Variants in KCND3 observed in about 807,000 individuals in gnomAD.
The protein encoded by KCND3 is A-type voltage-gated potassium channel KCND3.
KCND3 carries 9 observed loss-of-function variants against 51.1 expected under a neutral mutation model. The ratio of observed to expected loss-of-function variants is 0.18; its 90% CI spans 0.11 to 0.31. The LOEUF (loss-of-function observed/expected upper bound fraction) is 0.31, where lower values mean the gene tolerates loss of function less well. Among genes scored for constraint, KCND3 ranks in the 10% least tolerant of loss-of-function variants. The probability of loss-of-function intolerance (pLI) is 1.00; values close to 1 mark genes in which losing one functional copy is unlikely to be tolerated. For missense variants in KCND3, 526 were observed against 903.8 expected (o/e 0.58, Z 5.36); for synonymous variants, 349 against 368.0 (o/e 0.95, Z 0.59).
intron 2 of KCND3, among the ~76,000 whole-genome samples, chr1:111,962,721 G>C (rs1302185061): frequency 6.6e-6 from 1 of 152,224 alleles, no homozygotes; most frequent in Non-Finnish European, 1.5e-5. Context: ...GAGGCTGGTT[G>C]TGAAAATGGC....
At chr1:111,902,908 C>G (rs774411342) in intron 2 of KCND3, among the ~76,000 whole-genome samples, 2 of 152,158 alleles carry the variant, frequency 1.3e-5, no homozygotes, top group Non-Finnish European at 2.9e-5. Flanking sequence ...GAGTGCTTTG[C>G]TCATAGTAGG....
intron 2 of KCND3, among the ~76,000 whole-genome samples, chr1:111,895,256 A>G (rs1246824482): frequency 1.3e-5 from 2 of 151,468 alleles, no homozygotes; most frequent in African/African-American, 4.9e-5. Context: ...CAGCTGTGGG[A>G]CCAGGCTGTA....
At chr1:111,896,329 C>T (rs1670113006) in intron 2 of KCND3, among the ~76,000 whole-genome samples, 1 of 152,216 alleles carries the variant, frequency 6.6e-6, no homozygotes, top group Non-Finnish European at 1.5e-5. Context: ...CCTGGCTCTT[C>T]ACCCAGAAGA....
At chr1:111,891,642 G>T (rs1320687571) in intron 2 of KCND3, among the ~76,000 whole-genome samples, 1 of 152,130 alleles carries the variant, frequency 6.6e-6, no homozygotes, top group Non-Finnish European at 1.5e-5. Context: ...CCATCACATG[G>T]GTTACCAGCA....
intron 2 of KCND3, among the ~76,000 whole-genome samples, chr1:111,958,146 C>T (rs559708337): frequency 6.6e-6 from 1 of 152,306 alleles, no homozygotes; most frequent in Admixed American, 6.5e-5. Context: ...AACCACCTGG[C>T]ATACATACAC....
At position 111,775,635 on chromosome 1, in the gene KCND3, C is replaced by T. The variant is rs547505892; in HGVS notation, c.*442G>A. 4.6e-6 allele frequency: 1 copy of T among 218,176 alleles called. No homozygotes were observed. Among genetic ancestry groups the T allele is most frequent in the African/African-American group, 2.2e-5 (1 of 44,476 alleles). 13.5% of individuals were successfully genotyped at this position (218,176 alleles called of 1,614,324 possible). On this transcript the variant is annotated 3_prime_UTR_variant, in exon 8 of 8. Transcript: ENST00000302127. ...TCCATTAAGAGCCTTGAAAAAGGTG[C>T]TTAAATACACAGTGTTATATTTTCT...
chr1:111,810,837 G>A (rs542294200), intron 2 of KCND3, among the ~76,000 whole-genome samples: 21 of 152,318 alleles, frequency 1.4e-4, no homozygotes, highest in African/African-American at 4.6e-4. Context: ...ATGTGGGTGT[G>A]TGCAAAGAGC....
chr1:111,891,761 T>C (rs1353212130), intron 2 of KCND3, among the ~76,000 whole-genome samples: 1 of 152,224 alleles, frequency 6.6e-6, no homozygotes, highest in African/African-American at 2.4e-5. Flanking sequence ...TCTCAATAAA[T>C]ATTTGCTGAG....
intron 2 of KCND3, among the ~76,000 whole-genome samples, chr1:111,822,766 G>A (rs949233602): frequency 2.0e-5 from 3 of 152,194 alleles, no homozygotes; most frequent in African/African-American, 7.2e-5. Flanking sequence ...CATATGGTAA[G>A]CTTATGTTTA....
intron 2 of KCND3, among the ~76,000 whole-genome samples, chr1:111,830,270 C>G (rs1013467031): frequency 3.3e-5 from 5 of 152,232 alleles, no homozygotes; most frequent in African/African-American, 1.2e-4. Context: ...TCTTCTGTGG[C>G]TCCTCATAGC....
intron 2 of KCND3, among the ~76,000 whole-genome samples, chr1:111,968,603 C>T (rs1335660589): frequency 6.6e-6 from 1 of 152,202 alleles, no homozygotes; most frequent in Non-Finnish European, 1.5e-5. Flanking sequence ...GAGGATCTTC[C>T]TCCCCTACCC....
rs1664005937 is a variant in KCND3 at position 111,773,707 on chromosome 1, C to T, written c.*2370G>A. 5 of 152,094 alleles carry T rather than the reference C, an allele frequency of 3.3e-5. No homozygotes were observed. The highest frequency in any genetic ancestry group is 3.3e-4 in the Admixed American group (5 of 15,264). 9.4% of individuals were successfully genotyped at this position (152,094 alleles called of 1,614,324 possible). A position where few individuals can be genotyped will look rare whatever the true frequency, so the allele number is the denominator to read the frequency against. ...AAGTGCTGGGATTACAGATGTGAGC[C>T]ACCGCGCCCAGCCCTATTTACCTCT... On this transcript the variant is annotated 3_prime_UTR_variant, in exon 8 of 8. Coordinates refer to ENST00000302127, the MANE Select transcript of KCND3 (RefSeq NM_001378969.1).
At chr1:111,810,344 C>T (rs1158117467) in intron 2 of KCND3, among the ~76,000 whole-genome samples, 2 of 152,126 alleles carry the variant, frequency 1.3e-5, no homozygotes, top group Non-Finnish European at 2.9e-5. Context: ...ATGCTGGGAC[C>T]GAATACCTTG....
At chr1:111,895,190 GA>G (rs1312180093) in intron 2 of KCND3, among the ~76,000 whole-genome samples, 2 of 150,164 alleles carry the variant, frequency 1.3e-5, no homozygotes, top group African/African-American at 4.9e-5. Flanking sequence ...CAAGAGCAAG[GA>G]GGGGGAGGAG....
rs1352466398 is a variant in KCND3, at chr1:111,772,279, C to G, written c.*3798G>C. 1 of 152,024 alleles carries G rather than the reference C, an allele frequency of 6.6e-6. No individual in the cohort carries two copies. The highest frequency in any genetic ancestry group is 2.4e-5 in the African/African-American group (1 of 41,394). The allele number at this position is 152,024 out of a possible 1,614,324, so 9.4% of individuals were successfully genotyped here. A position where few individuals can be genotyped will look rare whatever the true frequency, so the allele number is the denominator to read the frequency against. Reference sequence around the variant, plus strand: ...TTCATTGAGAAGAGAAAATATTTGACTAAAAAAAATTGACTCTTCACTTGT... The same window carrying G: ...TTCATTGAGAAGAGAAAATATTTGAGTAAAAAAAATTGACTCTTCACTTGT... On this transcript the variant is annotated 3_prime_UTR_variant, in exon 8 of 8. Coordinates refer to ENST00000302127, the MANE Select transcript of KCND3 (RefSeq NM_001378969.1).
chr1:111,858,886 G>A (rs1170631030), intron 2 of KCND3, among the ~76,000 whole-genome samples: 4 of 152,220 alleles, frequency 2.6e-5, no homozygotes, highest in Non-Finnish European at 5.9e-5. Flanking sequence ...TCCTGCCTCA[G>A]GGCCTTTGCA....
chr1:111,833,737 C>T (rs142295796), intron 2 of KCND3, among the ~76,000 whole-genome samples: 172 of 152,256 alleles, frequency 1.1e-3, no homozygotes, highest in East Asian at 5.2e-3. Context: ...TCTTAATCTC[C>T]GGGGGTATCT....
intron 2 of KCND3, among the ~76,000 whole-genome samples, chr1:111,905,718 G>T (rs1334436167): frequency 6.6e-6 from 1 of 152,156 alleles, no homozygotes; most frequent in Non-Finnish European, 1.5e-5. Context: ...GTGAGCACAT[G>T]GTCCAGTGAG....
intron 2 of KCND3, among the ~76,000 whole-genome samples, chr1:111,935,123 T>C (rs900247687): frequency 6.6e-6 from 1 of 152,250 alleles, no homozygotes; most frequent in Non-Finnish European, 1.5e-5. Context: ...ACAAGTCTTA[T>C]GGTTTTCATT....
Sources: gnomAD v4.1 joint callset for allele counts (sites outside exome capture counted in the v4.1 genomes callset) on GRCh38, gnomAD v4.1.1 for gene constraint, MANE v1.5 for transcripts, NCBI Gene and HGNC (gene_info 2026-07-23, HGNC 2026-07-21) for gene names.